Variants in TEKT1 observed in about 807,000 individuals in gnomAD.
TEKT1 encodes the protein tektin-1.
In TEKT1, 32 loss-of-function variants were observed where a neutral mutation model predicts 34.8. The ratio of observed to expected loss-of-function variants is 0.92; its 90% CI spans 0.69 to 1.23. The LOEUF (loss-of-function observed/expected upper bound fraction) is 1.23. TEKT1 is among the 50% of genes most tolerant of loss of function. TEKT1 has a pLI of 0.00. For synonymous variants in TEKT1, 207 were observed against 199.8 expected (o/e 1.04, Z -0.30); for missense variants, 492 against 518.5 (o/e 0.95, Z 0.50).
intron 2 of TEKT1, among the ~76,000 whole-genome samples, chr17:6,823,679 G>A (rs1904321237): frequency 6.6e-6 from 1 of 151,944 alleles, no homozygotes; most frequent in Admixed American, 6.6e-5. Flanking sequence ...TATCCTACTG[G>A]ACATCTCTTA....
Position 6,812,935 on chromosome 17 carries a change from C to T in TEKT1, c.748G>A (p.Ala250Thr). ...ALVDRILSQT[A>T]NDLRKQCDVV... Reference sequence around the variant, plus strand: ...TCACACTGCTTGCGCAGATCATTGGCTGTCTGGGACAGGATTCGATCCACC... The same window carrying T: ...TCACACTGCTTGCGCAGATCATTGGTTGTCTGGGACAGGATTCGATCCACC... The change falls in exon 6 of 8, where the codon GCC becomes ACC. Residue 250 changes from alanine (A) to threonine (T), a missense_variant. Coordinates refer to ENST00000338694, the MANE Select transcript of TEKT1 (RefSeq NM_053285.2). The T allele has an allele frequency of 6.2e-7, 1 of 1,614,230 alleles. No individual in the cohort carries two copies. Among genetic ancestry groups the T allele is most frequent in the South Asian group, 1.1e-5 (1 of 91,088 alleles).
chr17:6,817,124 C>G (rs906822568), intron 3 of TEKT1, among the ~76,000 whole-genome samples: 2 of 152,142 alleles, frequency 1.3e-5, no homozygotes, highest in African/African-American at 4.8e-5. Context: ...GCCTGTAATC[C>G]CAGCATTTTG....
rs199826606 is a variant in TEKT1, at chr17:6,800,129, G to A, written c.1155C>T (p.Ile385=). 2.2e-5 allele frequency: 35 copies of A among 1,614,114 alleles called. No homozygotes were observed. Among genetic ancestry groups the A allele is most frequent in the East Asian group, 1.3e-4 (6 of 44,886 alleles). The part of the protein sequence containing the change: ...EIQVKENTIY[I]DEVLCMQMRK... ...TCATCTGCATACACAGCACTTCGTC[G>A]ATATAAATGGTGTTCTCTTTGACCT... The change falls in exon 8 of 8, where the codon ATC becomes ATT. Residue 385 remains isoleucine, a synonymous_variant. Coordinates refer to ENST00000338694, the MANE Select transcript of TEKT1 (RefSeq NM_053285.2).
chr17:6,818,549 G>C (rs575147897), intron 3 of TEKT1, among the ~76,000 whole-genome samples: 39 of 152,220 alleles, frequency 2.6e-4, no homozygotes, highest in Non-Finnish European at 5.3e-4. Context: ...TGTAGTGTCT[G>C]TTCTCACCTT....
chr17:6,800,133 T>C lies in TEKT1; in HGVS notation c.1151A>G (p.Tyr384Cys), dbSNP rs1264535749. The C allele has an allele frequency of 6.2e-7, 1 of 1,614,152 alleles. No homozygotes were observed. Among genetic ancestry groups the C allele is most frequent in the Non-Finnish European group, 8.5e-7 (1 of 1,180,032 alleles). Reference protein sequence around the residue: ...EEIQVKENTIYIDEVLCMQMR... With the variant: ...EEIQVKENTICIDEVLCMQMR... Reference sequence around the variant, plus strand: ...CTGCATACACAGCACTTCGTCGATATAAATGGTGTTCTCTTTGACCTGGAT... The same window carrying C: ...CTGCATACACAGCACTTCGTCGATACAAATGGTGTTCTCTTTGACCTGGAT... The change falls in exon 8 of 8, where the codon TAT becomes TGT. Residue 384 changes from tyrosine to cysteine, a missense_variant. Coordinates refer to ENST00000338694, the MANE Select transcript of TEKT1 (RefSeq NM_053285.2).
chr17:6,815,332 T>A (rs755792488), intron 4 of TEKT1, 26 bp from the exon 5 acceptor site: 1 of 1,614,190 alleles, frequency 6.2e-7, no homozygotes, highest in Non-Finnish European at 8.5e-7. Flanking sequence ...AAACTGGGTT[T>A]CTGCCTCTGG....
intron 6 of TEKT1, among the ~76,000 whole-genome samples, chr17:6,801,293 C>T (rs1276438388): frequency 6.6e-6 from 1 of 152,198 alleles, no homozygotes; most frequent in Non-Finnish European, 1.5e-5. Context: ...CAGAAAGCTG[C>T]CTATTTCCTC....
In TEKT1 at chr17:6,800,123, T is replaced by C; in HGVS notation, c.1161A>G (p.Glu387=). 6.2e-7 allele frequency: 1 copy of C among 1,614,146 alleles called. No individual in the cohort carries two copies. The highest frequency in any genetic ancestry group is 8.5e-7 in the Non-Finnish European group (1 of 1,180,044). ...QVKENTIYID[E]VLCMQMRKSI... ...ATTTCCTCATCTGCATACACAGCAC[T>C]TCGTCGATATAAATGGTGTTCTCTT... The change falls in exon 8 of 8, where the codon GAA becomes GAG. Residue 387 remains glutamate (E), a synonymous_variant. Coordinates refer to ENST00000338694, the MANE Select transcript of TEKT1 (RefSeq NM_053285.2).
rs370803777 is a variant in TEKT1 at position 6,799,910 on chromosome 17, C to T, written c.*117G>A. 1.4e-4 allele frequency: 137 copies of T among 1,012,646 alleles called. 1 individual carries two copies. The African/African-American group carries it at 1.8e-3, about 13-fold the overall frequency. The allele number at this position is 1,012,646 out of a possible 1,614,324, so 62.7% of individuals were successfully genotyped here. ...AGCCCCCTGAGCAGGCTTGGAATGC[C>T]AGCCAAGAGGTTGCAGCAGGCTGGC... is the stretch of plus-strand genomic sequence containing the variant. On this transcript the variant is annotated 3_prime_UTR_variant, in exon 8 of 8. Coordinates refer to ENST00000338694, the MANE Select transcript of TEKT1 (RefSeq NM_053285.2).
chr17:6,802,041 A>T (rs56161809), intron 6 of TEKT1, among the ~76,000 whole-genome samples: 13,343 of 152,222 alleles, frequency 0.088, 690 homozygotes, highest in Middle Eastern at 0.19. Flanking sequence ...AGGATTCTTT[A>T]TTTTCTTTTG....
At chr17:6,826,977 A>G (rs554353859) in intron 2 of TEKT1, among the ~76,000 whole-genome samples, 40 of 152,274 alleles carry the variant, frequency 2.6e-4, no homozygotes, top group South Asian at 1.0e-3. Context: ...TTACAGGTGT[A>G]AGCCACGGCG....
chr17:6,802,635 CCCCA>C (rs1976791190), intron 6 of TEKT1, among the ~76,000 whole-genome samples: 1 of 139,368 alleles, frequency 7.2e-6, no homozygotes, highest in African/African-American at 2.6e-5. Context: ...CTCCCCCCTC[CCCCA>C]ACCCCACAAC....
rs558617519 is a variant in TEKT1 at position 6,811,332 on chromosome 17, G to A, written c.852+1499C>T. 1.3e-5 allele frequency among the ~76,000 whole-genome samples: 2 copies of A among 149,726 alleles called. No homozygotes were observed. The highest frequency in any genetic ancestry group is 3.0e-5 in the Non-Finnish European group (2 of 67,412). ...TGTGTGTGTGTGTGTGTGTGTGTGT[G>A]TGAAATGTATACATGCCAGGCACTG... On this transcript the variant is annotated intron_variant, in intron 6 of 7. Coordinates refer to ENST00000338694, the MANE Select transcript of TEKT1 (RefSeq NM_053285.2). This position sits in a 1 kb window ranked among gnomAD's most constrained non-coding sequence, Gnocchi z 4.4.
chr17:6,806,792 G>A (rs1012695514), intron 6 of TEKT1, among the ~76,000 whole-genome samples: 12 of 152,044 alleles, frequency 7.9e-5, no homozygotes, highest in South Asian at 2.1e-4. Context: ...GTTGAATATC[G>A]GCCCCCACTC....
chr17:6,829,724 G>A (rs1460304805), intron 2 of TEKT1, among the ~76,000 whole-genome samples: 1 of 151,528 alleles, frequency 6.6e-6, no homozygotes, highest in Non-Finnish European at 1.5e-5. Context: ...CTGTTGAACT[G>A]TATTGTTTTT....
chr17:6,815,701 A>G (rs7213619), intron 4 of TEKT1, 133 bp downstream of exon 4: 153,322 of 1,373,338 alleles, frequency 0.11, 9,604 homozygotes, highest in African/African-American at 0.25. Flanking sequence ...GTGCTGGGGC[A>G]ATCTGGGGAC....
chr17:6,831,548 G>A (rs1904573741), intron 1 of TEKT1, 101 bp downstream of exon 1: 1 of 152,162 alleles, frequency 6.6e-6, no homozygotes, highest in South Asian at 2.1e-4. Context: ...CCCCAGAGAG[G>A]TGGGGACCTA....
chr17:6,809,833 C>T (rs866375203), intron 6 of TEKT1, among the ~76,000 whole-genome samples: 8 of 152,302 alleles, frequency 5.3e-5, no homozygotes, highest in Middle Eastern at 3.4e-3. Flanking sequence ...TGATAGCTCA[C>T]GCCTTTTTAG....
chr17:6,823,815 CTTTTT>C (rs33937600), intron 2 of TEKT1, among the ~76,000 whole-genome samples: 5 of 77,642 alleles, frequency 6.4e-5, no homozygotes, highest in Middle Eastern at 0.01. Context: ...AAACCTCATC[CTTTTT>C]TTTTTTTTTT....
Sources: allele counts gnomAD v4.1 joint callset (sites outside exome capture counted in the v4.1 genomes callset), GRCh38; gene constraint gnomAD v4.1.1; non-coding constraint Gnocchi (gnomAD v3.1); transcripts MANE v1.5; gene names NCBI Gene and HGNC (gene_info 2026-07-23, HGNC 2026-07-21).